MGMT: variants seen among roughly 807,000 people sequenced by gnomAD.
The protein encoded by MGMT is methylated-DNA--protein-cysteine methyltransferase.
A neutral mutation model predicts 15.9 loss-of-function variants in MGMT; 14 were observed. The ratio of observed to expected loss-of-function variants is 0.88; its 90% CI spans 0.58 to 1.37. The LOEUF (loss-of-function observed/expected upper bound fraction) is 1.37, where lower values mean the gene tolerates loss of function less well. Among genes scored for constraint, MGMT ranks in the 40% most tolerant of loss-of-function variants. The probability of loss-of-function intolerance (pLI) is 0.00; values close to 1 mark genes in which losing one functional copy is unlikely to be tolerated. For missense variants in MGMT, 282 were observed against 268.1 expected (o/e 1.05, Z -0.36); for synonymous variants, 130 against 118.2 (o/e 1.10, Z -0.65).
intron 3 of MGMT, among the ~76,000 whole-genome samples, chr10:129,708,516 A>G (rs952121435): frequency 4.6e-5 from 7 of 152,208 alleles, no homozygotes; most frequent in African/African-American, 1.7e-4. Flanking sequence ...TAATTTCTCA[A>G]ACGTACCAGA....
intron 2 of MGMT, among the ~76,000 whole-genome samples, chr10:129,646,739 TATATATA>T (rs1211062858): frequency 0.027 from 2,891 of 107,350 alleles, 234 homozygotes; most frequent in African/African-American, 0.048. Flanking sequence ...TATATATATA[TATATATA>T]TATATATATT....
intron 1 of MGMT, among the ~76,000 whole-genome samples, chr10:129,514,654 G>A (rs1017763009): frequency 9.1e-6 from 1 of 109,844 alleles, no homozygotes; most frequent in Admixed American, 9.0e-5. Context: ...TGGGGCCTTT[G>A]GGGGGAGATT....
chr10:129,476,564 C>T (rs1190965557), intron 1 of MGMT, among the ~76,000 whole-genome samples: 1 of 152,092 alleles, frequency 6.6e-6, no homozygotes, highest in Admixed American at 6.5e-5. Context: ...TGGGGCAGTG[C>T]TGGTTCCATG....
intron 1 of MGMT, among the ~76,000 whole-genome samples, chr10:129,490,528 T>C (rs751795114): frequency 6.6e-5 from 10 of 152,116 alleles, no homozygotes; most frequent in Non-Finnish European, 1.2e-4. Context: ...TTTTAAAAAC[T>C]GGTTAGGTTA....
chr10:129,724,153 A>G (rs78249495), intron 3 of MGMT, among the ~76,000 whole-genome samples: 86 of 152,304 alleles, frequency 5.6e-4, no homozygotes, highest in African/African-American at 1.9e-3. Flanking sequence ...GAAAGTGGAT[A>G]AATTACCTGA....
At chr10:129,578,178 A>G (rs1281789904) in intron 2 of MGMT, among the ~76,000 whole-genome samples, 1 of 152,234 alleles carries the variant, frequency 6.6e-6, no homozygotes, top group African/African-American at 2.4e-5. Context: ...CCATCCTATT[A>G]CTGAGTATAT....
chr10:129,516,949 T>C (rs138648533), intron 1 of MGMT, among the ~76,000 whole-genome samples: 3 of 152,332 alleles, frequency 2.0e-5, no homozygotes, highest in Non-Finnish European at 2.9e-5. Context: ...CCAACTCTTA[T>C]AGAATATTGG....
chr10:129,738,141 C>G (rs1745978218), intron 3 of MGMT, among the ~76,000 whole-genome samples: 1 of 152,244 alleles, frequency 6.6e-6, no homozygotes, highest in Non-Finnish European at 1.5e-5. Flanking sequence ...TGGCGGGTGC[C>G]CCTCCCCAAG....
Position 129,591,209 on chromosome 10 carries a change from T to C in MGMT, c.125+54832T>C, listed in dbSNP as rs186479266. ...TGATGAGTGGCCGTGTTTCAAATATTGTCCATTTTTAACTTTTGAAAATGC... is the reference window on the plus strand; with the variant it reads ...TGATGAGTGGCCGTGTTTCAAATATCGTCCATTTTTAACTTTTGAAAATGC... On this transcript the variant is annotated intron_variant, in intron 2 of 4. Transcript: ENST00000651593. Among the ~76,000 whole-genome samples, 48 of 152,292 alleles carry C rather than the reference T, an allele frequency of 3.2e-4. 1 individual carries two copies. The East Asian group carries it at 8.9e-3, about 28-fold the overall frequency.
intron 2 of MGMT, among the ~76,000 whole-genome samples, chr10:129,576,304 A>G (rs1344241960): frequency 3.3e-5 from 5 of 152,216 alleles, no homozygotes; most frequent in South Asian, 4.2e-4. Flanking sequence ...CTGGCAAACC[A>G]AATCCAGCAG....
intron 2 of MGMT, among the ~76,000 whole-genome samples, chr10:129,647,241 G>GT (rs1564747513): frequency 7.2e-5 from 11 of 151,750 alleles, no homozygotes; most frequent in South Asian, 4.2e-4. Context: ...CAGCGTTACA[G>GT]GCAGCTGGGG....
intron 2 of MGMT, among the ~76,000 whole-genome samples, chr10:129,662,227 T>C (rs1847605931): frequency 6.6e-6 from 1 of 152,122 alleles, no homozygotes; most frequent in Admixed American, 6.5e-5. Context: ...CATGCCCTAC[T>C]GTATAGGTCA....
intron 2 of MGMT, among the ~76,000 whole-genome samples, chr10:129,630,837 C>G (rs478477): frequency 1 from 152,028 of 152,384 alleles, 75,837 homozygotes; most frequent in Middle Eastern, 1. Context: ...TAACGTGCTC[C>G]TACTGAAAAA....
intron 2 of MGMT, among the ~76,000 whole-genome samples, chr10:129,616,137 G>A (rs580745): frequency 0.42 from 63,661 of 152,150 alleles, 14,204 homozygotes; most frequent in East Asian, 0.62. Context: ...GCACCACAGG[G>A]TCAGCCCTGC....
chr10:129,692,807 G>A (rs1564763287), intron 2 of MGMT, among the ~76,000 whole-genome samples: 1 of 152,196 alleles, frequency 6.6e-6, no homozygotes, highest in African/African-American at 2.4e-5. Flanking sequence ...TACATGGAGG[G>A]AGACAGGCTG....
chr10:129,709,020 G>A (rs1004926293), intron 3 of MGMT, among the ~76,000 whole-genome samples: 2 of 152,178 alleles, frequency 1.3e-5, no homozygotes, highest in East Asian at 1.9e-4. Context: ...TCAGACAGGC[G>A]AACATATGAA....
chr10:129,581,998 A>G (rs866692481), intron 2 of MGMT, among the ~76,000 whole-genome samples: 1 of 152,202 alleles, frequency 6.6e-6, no homozygotes, highest in East Asian at 1.9e-4. Flanking sequence ...GAGGCTGTCC[A>G]GGGTGTGCGA....
chr10:129,735,358 G>A (rs1256491269), intron 3 of MGMT, among the ~76,000 whole-genome samples: 4 of 152,086 alleles, frequency 2.6e-5, no homozygotes, highest in Non-Finnish European at 4.4e-5. Flanking sequence ...AGAGGTGTTT[G>A]TAGTATTCTC....
intron 1 of MGMT, among the ~76,000 whole-genome samples, chr10:129,495,726 A>G (rs938659713): frequency 2.0e-5 from 3 of 152,224 alleles, no homozygotes; most frequent in South Asian, 4.1e-4. Context: ...GGCCCGTCCT[A>G]GGCTTATCTC....
Sources: gnomAD v4.1 joint callset for allele counts (sites outside exome capture counted in the v4.1 genomes callset) on GRCh38, gnomAD v4.1.1 for gene constraint, MANE v1.5 for transcripts, NCBI Gene and HGNC (gene_info 2026-07-23, HGNC 2026-07-21) for gene names.